PINX1: variants seen among roughly 807,000 people sequenced by gnomAD.
PINX1 encodes PIN2 (TERF1) interacting telomerase inhibitor 1, also known as PIN2/TERF1-interacting telomerase inhibitor 1.
A neutral mutation model predicts 25.4 loss-of-function variants in PINX1; 34 were observed. The ratio of observed to expected loss-of-function variants is 1.34; its 90% CI spans 1.02 to 1.78. The LOEUF is 1.78. Among genes scored for constraint, PINX1 ranks in the 40% most tolerant of loss-of-function variants. The pLI, the probability that PINX1 is intolerant of heterozygous loss-of-function variation, is 0.00. For missense variants in PINX1, 592 were observed against 404.9 expected (o/e 1.46, Z -3.97); for synonymous variants, 197 against 147.7 (o/e 1.33, Z -2.42).
At chr8:10,771,558 T>C (rs1801223168) in intron 6 of PINX1, among the ~76,000 whole-genome samples, 1 of 152,236 alleles carries the variant, frequency 6.6e-6, no homozygotes. Flanking sequence ...GTTGCATTTG[T>C]ATTCATACAA....
chr8:10,833,057 C>T, intron 2 of PINX1, 73 bp from the exon 3 acceptor site: 2 of 886,418 alleles, frequency 2.3e-6, no homozygotes, highest in Non-Finnish European at 3.5e-6. Flanking sequence ...TGCTACAAAA[C>T]TCACAGATGC....
At chr8:10,790,660 G>A (rs1321690558) in intron 6 of PINX1, among the ~76,000 whole-genome samples, 1 of 152,156 alleles carries the variant, frequency 6.6e-6, no homozygotes, top group Admixed American at 6.5e-5. Context: ...AGCTCAGGCT[G>A]AGGCTCAGGC....
intron 6 of PINX1, among the ~76,000 whole-genome samples, chr8:10,799,188 GC>G (rs1802184882): frequency 5.3e-5 from 8 of 151,832 alleles, no homozygotes; most frequent in Admixed American, 5.2e-4. Context: ...CAGAGTACCT[GC>G]AAAAAGTAAC....
intron 6 of PINX1, among the ~76,000 whole-genome samples, chr8:10,799,141 A>AT (rs35164722): frequency 0.13 from 20,074 of 150,802 alleles, 2,158 homozygotes; most frequent in African/African-American, 0.29. Context: ...TAGTTTGTCA[A>AT]TTTTTTTTTT....
intron 6 of PINX1, among the ~76,000 whole-genome samples, chr8:10,777,421 T>C (rs1415638873): frequency 6.6e-6 from 1 of 152,202 alleles, no homozygotes; most frequent in Admixed American, 6.5e-5. Context: ...GGATGCACTC[T>C]CGGCACCATG....
At chr8:10,796,029 G>A (rs1322499379) in intron 6 of PINX1, among the ~76,000 whole-genome samples, 3 of 152,186 alleles carry the variant, frequency 2.0e-5, no homozygotes, top group Non-Finnish European at 4.4e-5. Context: ...TTCAAAAAGC[G>A]AACTGGCTGA....
intron 6 of PINX1, among the ~76,000 whole-genome samples, chr8:10,786,355 A>T (rs562260403): frequency 6.6e-6 from 1 of 152,274 alleles, no homozygotes; most frequent in African/African-American, 2.4e-5. Flanking sequence ...TACAACACCA[A>T]GTAGCGTGGC....
chr8:10,775,414 T>G (rs768802134), intron 6 of PINX1, among the ~76,000 whole-genome samples: 27,125 of 91,454 alleles, frequency 0.3, 2,897 homozygotes, highest in Middle Eastern at 0.36. Context: ...TTTGTGGTTT[T>G]TTTTTTTTTT....
At chr8:10,766,027 T>TCACACCCGGCACCCACACCCGGCACC in intron 6 of PINX1, 111 bp from the exon 7 acceptor site, 1 of 1,006,702 alleles carries the variant, frequency 9.9e-7, no homozygotes, top group Non-Finnish European at 1.5e-6. Context: ...CACCCGGCGC[T>TCACACCCGGCACCCACACCCGGCACC]CACACCCGGC....
intron 6 of PINX1, among the ~76,000 whole-genome samples, chr8:10,790,851 A>G (rs1244838284): frequency 1.3e-5 from 2 of 152,088 alleles, no homozygotes; most frequent in African/African-American, 4.8e-5. Flanking sequence ...CACGCAAAAC[A>G]AACAGTCTAT....
chr8:10,834,838 A>G (rs780419545), intron 1 of PINX1, 63 bp from the exon 2 acceptor site: 15 of 1,092,252 alleles, frequency 1.4e-5, no homozygotes, highest in Non-Finnish European at 2.1e-5. Flanking sequence ...CCACACAAAC[A>G]TACACATGCA....
chr8:10,765,810 G>T lies in PINX1; in HGVS notation c.578C>A (p.Pro193His). ...GTCAGACCCTGGAACTGGAACCTGG[G>T]GCTTGTTCTTCAGTGCTGCCATCCG... ...AKRMAALKNK[P>H]QVPVPGSDIS... Residue 193 changes from proline to histidine, a missense_variant, in exon 7 of 7, where the codon CCC (proline) becomes CAC (histidine). Coordinates refer to ENST00000314787, the MANE Select transcript of PINX1 (RefSeq NM_017884.6). 1.2e-6 allele frequency: 2 copies of T among 1,613,900 alleles called. No individual in the cohort carries two copies.
In PINX1 at chr8:10,765,762, C is replaced by T. The variant is rs746076291; in HGVS notation, c.626G>A (p.Arg209His). 36 of 1,613,810 alleles carry T rather than the reference C, an allele frequency of 2.2e-5. No homozygotes were observed. Among genetic ancestry groups the T allele is most frequent in the Non-Finnish European group, 2.8e-5 (33 of 1,179,898 alleles). Residue 209 changes from arginine to histidine, a missense_variant, in exon 7 of 7, where the codon CGT becomes CAT. Coordinates refer to ENST00000314787, the MANE Select transcript of PINX1 (RefSeq NM_017884.6). ...GSDISETQVERKRGKKRNKEA... is the reference protein window; with the variant it reads ...GSDISETQVEHKRGKKRNKEA... ...TTTATTTCTTTTCTTCCCCCTTTTACGTTCCACCTGCGTCTCAGAAATGTC... is the reference window on the plus strand; with the variant it reads ...TTTATTTCTTTTCTTCCCCCTTTTATGTTCCACCTGCGTCTCAGAAATGTC...
chr8:10,766,310 C>T (rs1350289489), intron 6 of PINX1, among the ~76,000 whole-genome samples: 1 of 152,184 alleles, frequency 6.6e-6, no homozygotes, highest in Admixed American at 6.5e-5. Flanking sequence ...ACTGGTGTTC[C>T]AGAGCTTGGT....
chr8:10,786,440 A>C (rs1160247038), intron 6 of PINX1, among the ~76,000 whole-genome samples: 1 of 152,174 alleles, frequency 6.6e-6, no homozygotes, highest in Non-Finnish European at 1.5e-5. Flanking sequence ...TTCCTAAGCA[A>C]GGGGAGCCAA....
chr8:10,823,862 T>C (rs965354332), intron 5 of PINX1, among the ~76,000 whole-genome samples: 3 of 152,076 alleles, frequency 2.0e-5, no homozygotes, highest in Admixed American at 1.3e-4. Flanking sequence ...CAGCTGATAT[T>C]TAGGCAGTAG....
chr8:10,827,212 T>C (rs1245476596), intron 4 of PINX1, among the ~76,000 whole-genome samples: 3 of 152,138 alleles, frequency 2.0e-5, no homozygotes, highest in Non-Finnish European at 4.4e-5. Context: ...TAAATAAAGG[T>C]AAGACAGGTT....
intron 6 of PINX1, among the ~76,000 whole-genome samples, chr8:10,819,245 C>T (rs1421570323): frequency 2.0e-5 from 3 of 152,180 alleles, no homozygotes; most frequent in Non-Finnish European, 4.4e-5. Context: ...ATTCTGGACT[C>T]CCTAAAAATT....
intron 6 of PINX1, among the ~76,000 whole-genome samples, chr8:10,796,785 A>C (rs1802097639): frequency 6.6e-6 from 1 of 152,070 alleles, no homozygotes; most frequent in African/African-American, 2.4e-5. Flanking sequence ...TTTAGAGATG[A>C]ACCATGTTCA....
Sources: gnomAD v4.1 joint callset for allele counts (sites outside exome capture counted in the v4.1 genomes callset) on GRCh38, gnomAD v4.1.1 for gene constraint, MANE v1.5 for transcripts, NCBI Gene and HGNC (gene_info 2026-07-23, HGNC 2026-07-21) for gene names.